Variants in MAP4K3 observed in about 807,000 individuals in gnomAD.
The protein encoded by MAP4K3 is MAPK/ERK kinase kinase kinase 3.
In MAP4K3, 94 loss-of-function variants were observed where a neutral mutation model predicts 143.5. The observed-to-expected ratio is 0.65, with a 90% confidence interval of 0.55 to 0.78. MAP4K3 has a LOEUF of 0.78. MAP4K3 is among the 30% of genes least tolerant of loss of function. MAP4K3 has a pLI of 0.00. For synonymous variants in MAP4K3, 416 were observed against 347.2 expected (o/e 1.20, Z -2.20); for missense variants, 1,077 against 1,068.1 (o/e 1.01, Z -0.12).
intron 15 of MAP4K3, among the ~76,000 whole-genome samples, chr2:39,303,901 T>C (rs1335962843): frequency 1.3e-5 from 2 of 152,040 alleles, no homozygotes; most frequent in Non-Finnish European, 2.9e-5. Flanking sequence ...TGGGCTTAAA[T>C]AGCCAGTAAA....
At chr2:39,326,700 G>A (rs1279982873) in intron 8 of MAP4K3, among the ~76,000 whole-genome samples, 1 of 152,094 alleles carries the variant, frequency 6.6e-6, no homozygotes, top group African/African-American at 2.4e-5. Flanking sequence ...ATCTCATCTC[G>A]AACTGTAATC....
chr2:39,326,324 C>T (rs1683488741), intron 8 of MAP4K3, 47 bp from the exon 9 acceptor site: 2 of 1,591,200 alleles, frequency 1.3e-6, no homozygotes, highest in Non-Finnish European at 1.7e-6. Context: ...TATATGTTTT[C>T]CTTTATACTC....
intron 1 of MAP4K3, among the ~76,000 whole-genome samples, chr2:39,381,086 C>G (rs1331277728): frequency 6.6e-6 from 1 of 152,160 alleles, no homozygotes; most frequent in Admixed American, 6.5e-5. Context: ...TCCTTTGTGA[C>G]TCTGGTTTCT....
chr2:39,272,205 C>G, intron 26 of MAP4K3, 78 bp downstream of exon 26: 1 of 1,086,890 alleles, frequency 9.2e-7, no homozygotes, highest in Non-Finnish European at 1.4e-6. Flanking sequence ...AAACTGAGTG[C>G]TCTTTCACTT....
intron 32 of MAP4K3, among the ~76,000 whole-genome samples, chr2:39,252,434 T>A (rs1680187028): frequency 6.6e-6 from 1 of 152,236 alleles, no homozygotes; most frequent in Non-Finnish European, 1.5e-5. Flanking sequence ...AGTGTTCTTA[T>A]AAGGATTAGT....
At chr2:39,292,736 AC>A (rs779463332) in intron 18 of MAP4K3, 36 bp downstream of exon 18, 2 of 1,553,674 alleles carry the variant, frequency 1.3e-6, no homozygotes, top group East Asian at 2.2e-5. Flanking sequence ...GTCAAATGAC[AC>A]CTTTTCTTTT....
chr2:39,322,954 G>A (rs1282074023), intron 12 of MAP4K3, among the ~76,000 whole-genome samples: 3 of 152,136 alleles, frequency 2.0e-5, no homozygotes, highest in South Asian at 2.1e-4. Context: ...ACAGGCATAA[G>A]CCACTGAGCC....
chr2:39,371,220 T>C (rs1445544145), intron 2 of MAP4K3, among the ~76,000 whole-genome samples: 1 of 152,070 alleles, frequency 6.6e-6, no homozygotes, highest in Non-Finnish European at 1.5e-5. Flanking sequence ...AAAATGGAAG[T>C]GAGGTGAAAT....
chr2:39,310,066 G>T (rs1159620278), intron 13 of MAP4K3, among the ~76,000 whole-genome samples: 1 of 151,958 alleles, frequency 6.6e-6, no homozygotes, highest in Non-Finnish European at 1.5e-5. Context: ...AACAAAACAG[G>T]GTAATTAGGA....
intron 15 of MAP4K3, among the ~76,000 whole-genome samples, chr2:39,300,723 C>A (rs571093597): frequency 1.3e-5 from 2 of 152,278 alleles, no homozygotes; most frequent in South Asian, 4.1e-4. Context: ...ACAAAAGCCA[C>A]CTTGGAGCAG....
intron 1 of MAP4K3, among the ~76,000 whole-genome samples, chr2:39,415,428 C>T (rs1012616058): frequency 2.9e-4 from 44 of 152,122 alleles, no homozygotes; most frequent in African/African-American, 1.0e-3. Context: ...TAGAAACAGA[C>T]TTACGGAATT....
chr2:39,260,873 C>A, intron 28 of MAP4K3, 96 bp from the exon 29 acceptor site: 1 of 761,712 alleles, frequency 1.3e-6, no homozygotes. Context: ...ATAAAGACTG[C>A]ATCTTGTCAC....
At chr2:39,355,191 C>T (rs1254375899) in intron 3 of MAP4K3, among the ~76,000 whole-genome samples, 2 of 151,998 alleles carry the variant, frequency 1.3e-5, no homozygotes, top group East Asian at 3.9e-4. Context: ...GATGAAACCC[C>T]ATCTACTAAA....
chr2:39,267,102 T>G (rs1328466700), intron 27 of MAP4K3, 87 bp downstream of exon 27: 1 of 1,254,174 alleles, frequency 8.0e-7, no homozygotes, highest in Non-Finnish European at 1.2e-6. Context: ...AAAGTATTGC[T>G]GGCAGAATGC....
intron 3 of MAP4K3, among the ~76,000 whole-genome samples, chr2:39,348,706 A>G (rs540290894): frequency 6.6e-6 from 1 of 152,310 alleles, no homozygotes; most frequent in South Asian, 2.1e-4. Context: ...AATCCTCAGA[A>G]TTCTTTTTTC....
chr2:39,278,539 T>C (rs1488049585), intron 23 of MAP4K3, 53 bp from the exon 24 acceptor site: 1 of 971,808 alleles, frequency 1.0e-6, no homozygotes. Flanking sequence ...TATTTTTAAA[T>C]AGGATTTCTA....
Position 39,251,901 on chromosome 2 carries a change from A to C in MAP4K3, c.2542-16T>G. 1 of 1,599,568 alleles carries C rather than the reference A, an allele frequency of 6.3e-7. No homozygotes were observed. Among genetic ancestry groups the C allele is most frequent in the African/African-American group, 1.3e-5 (1 of 74,790 alleles). On this transcript the variant is annotated splice_polypyrimidine_tract_variant and intron_variant, in intron 32 of 33. Coordinates refer to ENST00000263881, the MANE Select transcript of MAP4K3 (RefSeq NM_003618.4). ...CTTGTGTTACCTGTTCAATTAAAAC[A>C]CAAATTTAATTTCTGAAATTAAAGA... is the stretch of plus-strand genomic sequence containing the variant.
At chr2:39,350,251 GAGAA>G (rs1665413679) in intron 3 of MAP4K3, among the ~76,000 whole-genome samples, 1 of 152,142 alleles carries the variant, frequency 6.6e-6, no homozygotes, top group African/African-American at 2.4e-5. Context: ...AAACAGAAAA[GAGAA>G]AGACATGAAC....
At chr2:39,392,197 A>AAAAAAAAAAAAAAAC (rs1666683438) in intron 1 of MAP4K3, among the ~76,000 whole-genome samples, 1 of 151,336 alleles carries the variant, frequency 6.6e-6, no homozygotes, top group Admixed American at 6.6e-5. Context: ...AAAAAAAAAA[A>AAAAAAAAAAAAAAAC]AAAAAAAATT....
Sources: allele counts gnomAD v4.1 joint callset (sites outside exome capture counted in the v4.1 genomes callset), GRCh38; gene constraint gnomAD v4.1.1; transcripts MANE v1.5; gene names NCBI Gene and HGNC (gene_info 2026-07-23, HGNC 2026-07-21).